CDC6: variants seen among roughly 807,000 people sequenced by gnomAD.
CDC6 encodes the protein DNA replication factor CDC6.
A neutral mutation model predicts 60.2 loss-of-function variants in CDC6; 46 were observed. The ratio of observed to expected loss-of-function variants is 0.76; its 90% CI spans 0.60 to 0.98. CDC6 has a LOEUF of 0.98. CDC6 is among the 50% of genes least tolerant of loss of function. The probability of loss-of-function intolerance (pLI) is 0.00; values close to 1 mark genes in which losing one functional copy is unlikely to be tolerated. For synonymous variants in CDC6, 210 were observed against 233.2 expected, an observed-to-expected ratio of 0.90 and a Z score of 0.90; for missense variants, 596 against 652.9, an observed-to-expected ratio of 0.91 and a Z score of 0.95.
chr17:40,289,345 G>A (rs1280019097), intron 1 of CDC6, 63 bp from the exon 2 acceptor site: 4 of 1,240,472 alleles, frequency 3.2e-6, no homozygotes, highest in Non-Finnish European at 3.6e-6. Flanking sequence ...TAAATTCCAT[G>A]TTAGTTATTT....
chr17:40,298,887 C>T (rs1053780268), intron 9 of CDC6, among the ~76,000 whole-genome samples: 2 of 152,134 alleles, frequency 1.3e-5, no homozygotes, highest in Non-Finnish European at 2.9e-5. Context: ...AGAGAGGACT[C>T]GGCCAGTGGA....
intron 4 of CDC6, among the ~76,000 whole-genome samples, chr17:40,292,008 AAGTGTTGGGAT>A (rs1567733933): frequency 6.6e-6 from 1 of 151,992 alleles, no homozygotes; most frequent in African/African-American, 2.4e-5. Context: ...TGGCCTCCCA[AAGTGTTGGGAT>A]TACAGGTGTG....
chr17:40,291,579 T>C lies in CDC6; in HGVS notation c.571T>C (p.Cys191Arg). 6.2e-7 allele frequency: 1 copy of C among 1,614,204 alleles called. No individual in the cohort carries two copies. The highest frequency in any genetic ancestry group is 1.3e-5 in the African/African-American group (1 of 75,054). ...CAGGAATTTCTTGAGGGAACACATC[T>C]GTGGGAAAAAAGCTGGAAGCCTTTA... Reference protein sequence around the residue: ...VIRNFLREHICGKKAGSLYLS... With the variant: ...VIRNFLREHIRGKKAGSLYLS... The change falls in exon 4 of 12, where the codon TGT becomes CGT. Residue 191 changes from cysteine to arginine, a missense_variant. By Grantham distance (180) the Cys-to-Arg change is radical. Transcript: ENST00000209728.
At chr17:40,289,875 ATTTTTTTTTTT>A (rs5820342) in intron 2 of CDC6, among the ~76,000 whole-genome samples, 1 of 117,628 alleles carries the variant, frequency 8.5e-6, no homozygotes, top group African/African-American at 3.3e-5. Flanking sequence ...AGCCTGGCTA[ATTTTTTTTTTT>A]TTTTTTTTTG....
rs2143073936 is a variant in CDC6 at position 40,291,131 on chromosome 17, T to A, written c.252T>A (p.Gly84=). Reference sequence around the variant, plus strand: ...CAAAGCAAGGCAAGAAAGAGAATGGTCCCCCTCACTCACATACACTTAAGG... The same window carrying A: ...CAAAGCAAGGCAAGAAAGAGAATGGACCCCCTCACTCACATACACTTAAGG... ...SPPKQGKKEN[G]PPHSHTLKGR... is the part of the protein sequence containing the mutation. Residue 84 remains glycine (G), a synonymous_variant, in exon 3 of 12, where the codon GGT becomes GGA. Coordinates refer to ENST00000209728, the MANE Select transcript of CDC6 (RefSeq NM_001254.4). 6.2e-7 allele frequency: 1 copy of A among 1,614,038 alleles called. No individual in the cohort carries two copies. Among genetic ancestry groups the A allele is most frequent in the Non-Finnish European group, 8.5e-7 (1 of 1,179,938 alleles).
Position 40,299,138 on chromosome 17 carries a change from C to CTT in CDC6, c.1250-1663_1250-1662dup, listed in dbSNP as rs67162965. Among the ~76,000 whole-genome samples, 455 of 60,790 alleles carry CTT rather than the reference C, an allele frequency of 7.5e-3. 86 individuals carry two copies. Among genetic ancestry groups the CTT allele is most frequent in the African/African-American group, 0.014 (181 of 13,000 alleles). The allele number at this position is 60,790 out of a possible 152,430, so 39.9% of individuals were successfully genotyped here. A position where few individuals can be genotyped will look rare whatever the true frequency, so the allele number is the denominator to read the frequency against. ...CATCTCCAAACGATAAGGCCATAGTCTTTTTTTTTTTTTTTTTTTTTTTTT... is the reference window on the plus strand; with the variant it reads ...CATCTCCAAACGATAAGGCCATAGTCTTTTTTTTTTTTTTTTTTTTTTTTTTT... On this transcript the variant is annotated intron_variant, in intron 9 of 11. Coordinates refer to ENST00000209728, the MANE Select transcript of CDC6 (RefSeq NM_001254.4).
At chr17:40,299,689 A>C (rs2032910604) in intron 9 of CDC6, among the ~76,000 whole-genome samples, 1 of 151,836 alleles carries the variant, frequency 6.6e-6, no homozygotes, top group Non-Finnish European at 1.5e-5. Flanking sequence ...CTTTGAGCTA[A>C]GGAGTTCAAG....
rs747502802 is a variant in CDC6 at position 40,300,866 on chromosome 17, G to T, written c.1288G>T (p.Gly430Cys). 8.7e-6 allele frequency: 14 copies of T among 1,613,946 alleles called. No individual in the cohort carries two copies. The highest frequency in any genetic ancestry group is 1.3e-5 in the African/African-American group (1 of 74,918). The change falls in exon 10 of 12, where the codon GGT becomes TGT. Residue 430 changes from glycine (G) to cysteine (C), a missense_variant. By Grantham distance (159) the Gly-to-Cys change is radical (BLOSUM62 -3). Coordinates refer to ENST00000209728, the MANE Select transcript of CDC6 (RefSeq NM_001254.4). ...TGAGCCTCTGATTCCCAAGAGGGTT[G>T]GTCTTATTCACATATCCCAAGTCAT... Reference protein sequence around the residue: ...PSEPLIPKRVGLIHISQVISE... With the variant: ...PSEPLIPKRVCLIHISQVISE...
rs2032969964 is a variant in CDC6, at chr17:40,304,003, G to C, written c.*2002G>C. The C allele has an allele frequency of 6.6e-6, 1 of 152,258 alleles. No individual in the cohort carries two copies. The highest frequency in any genetic ancestry group is 2.4e-5 in the African/African-American group (1 of 41,460). The allele number at this position is 152,258 out of a possible 1,614,324, so 9.4% of individuals were successfully genotyped here. A position where few individuals can be genotyped will look rare whatever the true frequency, so the allele number is the denominator to read the frequency against. Reference sequence around the variant, plus strand: ...CTGTAGGGCTTGAGTCAGGAACATGGCTTGACTCGCAGTGGGGCTGCTATG... The same window carrying C: ...CTGTAGGGCTTGAGTCAGGAACATGCCTTGACTCGCAGTGGGGCTGCTATG... On this transcript the variant is annotated 3_prime_UTR_variant, in exon 12 of 12. Coordinates refer to ENST00000209728, the MANE Select transcript of CDC6 (RefSeq NM_001254.4).
chr17:40,297,079 T>G, intron 9 of CDC6, among the ~76,000 whole-genome samples: 1 of 152,152 alleles, frequency 6.6e-6, no homozygotes, highest in Non-Finnish European at 1.5e-5. Flanking sequence ...GTGCTTATGT[T>G]GCGTGCACTT....
rs67162965 is a variant in CDC6 at position 40,299,138 on chromosome 17, C to CTTTTTTTTTTTTTTTTTTTT, written c.1250-1681_1250-1662dup. On this transcript the variant is annotated intron_variant, in intron 9 of 11. Coordinates refer to ENST00000209728, the MANE Select transcript of CDC6 (RefSeq NM_001254.4). ...CATCTCCAAACGATAAGGCCATAGT[C>CTTTTTTTTTTTTTTTTTTTT]TTTTTTTTTTTTTTTTTTTTTTTTT... Among the ~76,000 whole-genome samples the CTTTTTTTTTTTTTTTTTTTT allele has an allele frequency of 2.1e-4, 13 of 60,782 alleles. 3 individuals are homozygous for CTTTTTTTTTTTTTTTTTTTT. The highest frequency in any genetic ancestry group is 6.9e-4 in the African/African-American group (9 of 13,002). The allele number at this position is 60,782 out of a possible 152,430, so 39.9% of individuals were successfully genotyped here.
intron 4 of CDC6, among the ~76,000 whole-genome samples, chr17:40,292,756 C>T (rs1476656107): frequency 6.6e-6 from 1 of 151,092 alleles, no homozygotes; most frequent in East Asian, 2.0e-4. Flanking sequence ...AGTGAAACCC[C>T]GTCTCTACTA....
At position 40,301,462 on chromosome 17, in the gene CDC6, T is replaced by C; in HGVS notation, c.1453-6T>C. The C allele has an allele frequency of 6.2e-7, 1 of 1,613,892 alleles. No individual in the cohort carries two copies. Among genetic ancestry groups the C allele is most frequent in the African/African-American group, 1.3e-5 (1 of 75,058 alleles). On this transcript the variant is annotated splice_region_variant and splice_polypyrimidine_tract_variant and intron_variant, in intron 10 of 11. Coordinates refer to ENST00000209728, the MANE Select transcript of CDC6 (RefSeq NM_001254.4). ...GCAGCGTTTGTTCTCCCTTGTTTCC[T>C]ACCAGTTATATGAAGCCTACAGTAA...
At chr17:40,297,004 G>GT (rs2032868772) in intron 9 of CDC6, among the ~76,000 whole-genome samples, 1 of 152,198 alleles carries the variant, frequency 6.6e-6, no homozygotes, top group African/African-American at 2.4e-5. Context: ...CTGGGACAGA[G>GT]TAAGTTTTTT....
intron 9 of CDC6, 39 bp downstream of exon 9, chr17:40,296,806 A>G: frequency 7.8e-7 from 1 of 1,286,348 alleles, no homozygotes. Flanking sequence ...CTTTGTAACT[A>G]GAAGCTTAGC....
intron 5 of CDC6, 32 bp from the exon 6 acceptor site, chr17:40,293,918 A>C: frequency 6.5e-7 from 1 of 1,546,856 alleles, no homozygotes; most frequent in Admixed American, 1.7e-5. Context: ...TAAGAAGGTG[A>C]ATATGGATAC....
Position 40,301,552 on chromosome 17 carries a change from T to G in CDC6, c.1537T>G (p.Leu513Val). ...AGAGTGTTTGTCACTTTCAGGGCTC[T>G]TGGAAGCCAGGGGCATTTTAGGATT... ...QSECLSLSGLLEARGILGLKR... is the reference protein window; with the variant it reads ...QSECLSLSGLVEARGILGLKR... The change falls in exon 11 of 12, where the codon TTG becomes GTG. Residue 513 changes from leucine (L) to valine (V), a missense_variant. By Grantham distance (32) the Leu-to-Val change is conservative (BLOSUM62 1). Transcript: ENST00000209728. 6.2e-7 allele frequency: 1 copy of G among 1,614,118 alleles called. No homozygotes were observed. Among genetic ancestry groups the G allele is most frequent in the Non-Finnish European group, 8.5e-7 (1 of 1,179,948 alleles).
chr17:40,298,097 TC>T (rs2032883010), intron 9 of CDC6, among the ~76,000 whole-genome samples: 1 of 152,250 alleles, frequency 6.6e-6, no homozygotes, highest in Admixed American at 6.5e-5. Flanking sequence ...TGAAATTCTT[TC>T]TTTTTTTCAT....
In CDC6 at chr17:40,293,615, G is replaced by C; in HGVS notation, c.820G>C (p.Glu274Gln). ...GAAATTGGAAAAACATATGACTGCA[G>C]AGAAGGGCCCCATGATGTAAGTATT... ...MRKLEKHMTAEKGPMIVLVLD... is the reference protein window; with the variant it reads ...MRKLEKHMTAQKGPMIVLVLD... Residue 274 changes from glutamate (E) to glutamine (Q), a missense_variant, in exon 5 of 12, where the codon GAG becomes CAG. By Grantham distance (29) the Glu-to-Gln change is conservative (BLOSUM62 2). Transcript: ENST00000209728. 6.2e-7 allele frequency: 1 copy of C among 1,613,098 alleles called. No homozygotes were observed. The highest frequency in any genetic ancestry group is 8.5e-7 in the Non-Finnish European group (1 of 1,179,022).
Sources: gnomAD v4.1 joint callset for allele counts (sites outside exome capture counted in the v4.1 genomes callset) on GRCh38, gnomAD v4.1.1 for gene constraint, MANE v1.5 for transcripts, NCBI Gene and HGNC (gene_info 2026-07-23, HGNC 2026-07-21) for gene names.